AKAP19: variants seen among roughly 807,000 people sequenced by gnomAD.
AKAP19 encodes small A-kinase anchoring protein.
the AKAP19 span, among the ~76,000 whole-genome samples, chr2:189,955,269 C>T: frequency 6.6e-6 from 1 of 152,178 alleles, no homozygotes; most frequent in Non-Finnish European, 1.5e-5. Flanking sequence ...AAAAGACGTT[C>T]TTTCTTTCTT....
the AKAP19 span, among the ~76,000 whole-genome samples, chr2:190,161,121 C>CT: frequency 0.017 from 2,600 of 152,136 alleles, 46 homozygotes; most frequent in African/African-American, 0.043. Context: ...TTAAATTAAA[C>CT]TTTTTTTTCT....
At chr2:190,081,845 C>T in the AKAP19 span, among the ~76,000 whole-genome samples, 2 of 152,262 alleles carry the variant, frequency 1.3e-5, no homozygotes, top group East Asian at 3.9e-4. Flanking sequence ...TAAGCACCCC[C>T]CATTCCACAA....
chr2:189,977,247 C>A, the AKAP19 span, among the ~76,000 whole-genome samples: 2 of 152,210 alleles, frequency 1.3e-5, no homozygotes, highest in African/African-American at 4.8e-5. Flanking sequence ...TTCCTGAGTG[C>A]CTTCTATATG....
At chr2:190,074,684 G>A in the AKAP19 span, among the ~76,000 whole-genome samples, 5 of 151,452 alleles carry the variant, frequency 3.3e-5, no homozygotes, top group African/African-American at 1.2e-4. Flanking sequence ...GAGTGCAAAA[G>A]TAGATCAAAT....
the AKAP19 span, among the ~76,000 whole-genome samples, chr2:190,074,775 T>C: frequency 1.3e-5 from 2 of 152,160 alleles, no homozygotes; most frequent in Non-Finnish European, 2.9e-5. Flanking sequence ...ATAAATGGTA[T>C]TGGGACAGAA....
At chr2:189,885,119 T>C in the AKAP19 span, among the ~76,000 whole-genome samples, 36 of 152,194 alleles carry the variant, frequency 2.4e-4, no homozygotes, top group African/African-American at 8.2e-4. Flanking sequence ...TTCTTTATTG[T>C]ACACATAGGC....
the AKAP19 span, among the ~76,000 whole-genome samples, chr2:190,065,316 G>T: frequency 6.6e-6 from 1 of 152,152 alleles, no homozygotes; most frequent in Non-Finnish European, 1.5e-5. Flanking sequence ...TAGTTACTGT[G>T]TGATAGATAC....
At chr2:190,011,098 C>A in the AKAP19 span, among the ~76,000 whole-genome samples, 1 of 143,528 alleles carries the variant, frequency 7.0e-6, no homozygotes, top group Non-Finnish European at 1.5e-5. Flanking sequence ...TGCTCTGTTG[C>A]CCAGGCTGGA....
the AKAP19 span, among the ~76,000 whole-genome samples, chr2:189,981,717 C>T: frequency 6.6e-6 from 1 of 152,110 alleles, no homozygotes; most frequent in African/African-American, 2.4e-5. Flanking sequence ...TTAGTGTTTG[C>T]TTGTCTGAGA....
the AKAP19 span, among the ~76,000 whole-genome samples, chr2:189,978,682 T>C: frequency 1.3e-5 from 2 of 152,178 alleles, no homozygotes; most frequent in African/African-American, 4.8e-5. Flanking sequence ...TTAATTCACT[T>C]AGGATAATGG....
chr2:189,895,440 CTCTTTA>C, the AKAP19 span, among the ~76,000 whole-genome samples: 1 of 152,124 alleles, frequency 6.6e-6, no homozygotes, highest in Admixed American at 6.6e-5. Context: ...TGCTTCACTT[CTCTTTA>C]TCTTTATTGC....
chr2:189,989,449 G>T, the AKAP19 span, among the ~76,000 whole-genome samples: 2 of 151,632 alleles, frequency 1.3e-5, no homozygotes, highest in African/African-American at 2.4e-5. Flanking sequence ...TAAAAAAAAA[G>T]AAATGAAAAA....
the AKAP19 span, among the ~76,000 whole-genome samples, chr2:189,916,943 T>A: frequency 1.3e-5 from 2 of 152,198 alleles, no homozygotes; most frequent in African/African-American, 4.8e-5. Context: ...GTTTTACTCT[T>A]CAGTTCATGA....
the AKAP19 span, among the ~76,000 whole-genome samples, chr2:190,059,761 A>G: frequency 6.6e-6 from 1 of 152,092 alleles, no homozygotes; most frequent in South Asian, 2.1e-4. Context: ...ACAGTCATGT[A>G]TCATATTAAT....
chr2:189,883,507 GT>G, the AKAP19 span, among the ~76,000 whole-genome samples: 3,844 of 123,730 alleles, frequency 0.031, 60 homozygotes, highest in African/African-American at 0.061. Context: ...GTTTCTTCCT[GT>G]TTTTTTTTTT....
At chr2:189,927,471 T>A in the AKAP19 span, among the ~76,000 whole-genome samples, 3 of 152,336 alleles carry the variant, frequency 2.0e-5, no homozygotes, top group Non-Finnish European at 4.4e-5. Flanking sequence ...ATGCAGCTAT[T>A]CTTTTCTTTT....
the AKAP19 span, among the ~76,000 whole-genome samples, chr2:189,884,354 C>CA: frequency 1.3e-5 from 2 of 150,608 alleles, no homozygotes; most frequent in Non-Finnish European, 1.5e-5. Flanking sequence ...ATAACAATAG[C>CA]AAAAAAAAAT....
At chr2:190,157,365 T>TACACACACACACACAAACACACACACAC in the AKAP19 span, among the ~76,000 whole-genome samples, 1 of 116,992 alleles carries the variant, frequency 8.5e-6, no homozygotes, top group Non-Finnish European at 1.9e-5. Flanking sequence ...CCTAAACTTG[T>TACACACACACACACAAACACACACACAC]ATACACACAC....
chr2:190,006,663 A>G, the AKAP19 span, among the ~76,000 whole-genome samples: 2 of 144,824 alleles, frequency 1.4e-5, no homozygotes, highest in African/African-American at 2.6e-5. Context: ...AAAGCTAGCT[A>G]TAAGCAAAAT....
Sources: allele counts gnomAD v4.1 joint callset (sites outside exome capture counted in the v4.1 genomes callset), GRCh38; gene constraint gnomAD v4.1.1; transcripts MANE v1.5; gene names NCBI Gene and HGNC (gene_info 2026-07-23, HGNC 2026-07-21).